The following FCHO2 variants were observed in gnomAD, a reference collection of about 807,000 sequenced individuals.
FCHO2 encodes FCH and mu domain containing endocytic adaptor 2.
A neutral mutation model predicts 114.1 loss-of-function variants in FCHO2; 43 were observed. That is an observed-to-expected ratio of 0.38 (90% CI 0.30 to 0.49). The LOEUF (loss-of-function observed/expected upper bound fraction) is 0.49. FCHO2 is among the 20% of genes least tolerant of loss of function. The pLI, the probability that FCHO2 is intolerant of heterozygous loss-of-function variation, is 0.97. For missense variants in FCHO2, 807 were observed against 950.4 expected, an observed-to-expected ratio of 0.85 and a Z score of 1.98; for synonymous variants, 293 against 315.2, an observed-to-expected ratio of 0.93 and a Z score of 0.75.
At chr5:73,017,578 T>G (rs1755371958) in intron 8 of FCHO2, among the ~76,000 whole-genome samples, 2 of 152,148 alleles carry the variant, frequency 1.3e-5, no homozygotes, top group African/African-American at 4.8e-5. Flanking sequence ...AATAATTTAG[T>G]ATTATTTAAA....
At chr5:73,047,108 C>T (rs933913620) in intron 11 of FCHO2, among the ~76,000 whole-genome samples, 9 of 152,096 alleles carry the variant, frequency 5.9e-5, no homozygotes, top group Non-Finnish European at 1.3e-4. Flanking sequence ...TGAAATAATA[C>T]GAAGAACACT....
At chr5:73,007,380 T>G (rs555083079) in intron 6 of FCHO2, among the ~76,000 whole-genome samples, 1 of 152,354 alleles carries the variant, frequency 6.6e-6, no homozygotes, top group Admixed American at 6.5e-5. Context: ...ACATGAGTTC[T>G]TTTACCTATA....
chr5:73,069,860 T>C (rs1481021166), intron 19 of FCHO2, among the ~76,000 whole-genome samples: 1 of 152,106 alleles, frequency 6.6e-6, no homozygotes, highest in Non-Finnish European at 1.5e-5. Flanking sequence ...TCACCCATTG[T>C]TAGGATAATA....
intron 2 of FCHO2, among the ~76,000 whole-genome samples, chr5:72,969,744 G>A (rs762793286): frequency 3.3e-5 from 5 of 152,126 alleles, no homozygotes; most frequent in Non-Finnish European, 7.3e-5. Context: ...GAGACAATCC[G>A]TCATACTTCC....
chr5:73,060,200 G>C (rs751098309), intron 17 of FCHO2, among the ~76,000 whole-genome samples: 9 of 151,774 alleles, frequency 5.9e-5, no homozygotes, highest in Non-Finnish European at 1.3e-4. Context: ...ATTGATGTTT[G>C]GCCATTAGGA....
intron 20 of FCHO2, 31 bp from the exon 21 acceptor site, chr5:73,077,303 TTTTA>T (rs1554075665): frequency 6.5e-7 from 1 of 1,534,416 alleles, no homozygotes; most frequent in African/African-American, 1.4e-5. Flanking sequence ...GATTAGAGCA[TTTTA>T]TTTAAACACT....
intron 16 of FCHO2, among the ~76,000 whole-genome samples, chr5:73,057,461 G>T (rs989330092): frequency 2.0e-5 from 3 of 152,126 alleles, no homozygotes; most frequent in African/African-American, 7.2e-5. Flanking sequence ...TGAGATGCTG[G>T]ATATGTACTC....
intron 11 of FCHO2, among the ~76,000 whole-genome samples, chr5:73,049,881 CATAG>C (rs766940890): frequency 2.0e-5 from 3 of 152,052 alleles, no homozygotes; most frequent in Non-Finnish European, 4.4e-5. Context: ...TATATATACA[CATAG>C]ATATATACAT....
Position 73,054,149 on chromosome 5 carries a change from T to C in FCHO2, c.1174-11T>C, listed in dbSNP as rs1487727858. ...CTAACCTAATTTTCTTTTTCTTCCA[T>C]GTACTACTAGAGACACAGTCCAGTA... On this transcript the variant is annotated splice_polypyrimidine_tract_variant and intron_variant, in intron 13 of 25. Coordinates refer to ENST00000430046, the MANE Select transcript of FCHO2 (RefSeq NM_138782.3). 2.7e-6 allele frequency: 4 copies of C among 1,505,084 alleles called. No individual in the cohort carries two copies. Among genetic ancestry groups the C allele is most frequent in the African/African-American group, 1.4e-5 (1 of 71,392 alleles). 93.2% of individuals were successfully genotyped at this position (1,505,084 alleles called of 1,614,324 possible).
At chr5:73,082,966 TG>T (rs1456338567) in intron 24 of FCHO2, 141 bp downstream of exon 24, 19 of 660,094 alleles carry the variant, frequency 2.9e-5, no homozygotes, top group Non-Finnish European at 4.8e-5. Flanking sequence ...CTCCGCCTGC[TG>T]GGTTCAAGCG....
intron 8 of FCHO2, among the ~76,000 whole-genome samples, chr5:73,030,122 ACCTCCG>A (rs1756156762): frequency 6.7e-6 from 1 of 149,440 alleles, no homozygotes; most frequent in African/African-American, 2.5e-5. Context: ...GCTCACTGCA[ACCTCCG>A]CCTCCTGGGT....
intron 8 of FCHO2, among the ~76,000 whole-genome samples, chr5:73,023,783 A>G (rs1241191058): frequency 1.3e-5 from 2 of 152,136 alleles, no homozygotes; most frequent in African/African-American, 4.8e-5. Flanking sequence ...ATATGCCACT[A>G]ATTTCGTTTA....
chr5:73,085,537 G>C (rs902965134), intron 24 of FCHO2, among the ~76,000 whole-genome samples: 1 of 152,092 alleles, frequency 6.6e-6, no homozygotes, highest in African/African-American at 2.4e-5. Context: ...CACTTTGGGA[G>C]GCTGAGGCAG....
chr5:73,056,937 A>T (rs1757624136), intron 16 of FCHO2, among the ~76,000 whole-genome samples: 1 of 151,986 alleles, frequency 6.6e-6, no homozygotes, highest in African/African-American at 2.4e-5. Context: ...ATCAGTTAAG[A>T]ATACTCTCTT....
At chr5:72,994,505 A>G (rs1397132730) in intron 5 of FCHO2, among the ~76,000 whole-genome samples, 1 of 152,226 alleles carries the variant, frequency 6.6e-6, no homozygotes, top group African/African-American at 2.4e-5. Context: ...GTTGTGGAGA[A>G]AAGGGAATGC....
chr5:73,046,019 C>G (rs1757035266), intron 11 of FCHO2, among the ~76,000 whole-genome samples: 1 of 152,144 alleles, frequency 6.6e-6, no homozygotes, highest in Non-Finnish European at 1.5e-5. Flanking sequence ...AGTTGGTGCT[C>G]TAGGTCATTT....
intron 5 of FCHO2, among the ~76,000 whole-genome samples, chr5:73,003,047 G>T (rs1001964205): frequency 5.9e-5 from 9 of 152,028 alleles, no homozygotes; most frequent in African/African-American, 2.2e-4. Context: ...GGTCTCTGTT[G>T]TCTGGGCTGG....
At chr5:73,042,052 T>C (rs1756830339) in intron 11 of FCHO2, among the ~76,000 whole-genome samples, 1 of 152,186 alleles carries the variant, frequency 6.6e-6, no homozygotes, top group African/African-American at 2.4e-5. Flanking sequence ...TACAGCATCA[T>C]AGTGTAACAA....
rs149693837 is a variant in FCHO2, at chr5:72,994,024, A to G, written c.495+3160A>G. Among the ~76,000 whole-genome samples the G allele has an allele frequency of 5.6e-3, 852 of 152,336 alleles. 14 individuals carry two copies. The highest frequency in any genetic ancestry group is 0.02 in the African/African-American group (817 of 41,576). On this transcript the variant is annotated intron_variant, in intron 5 of 25. Coordinates refer to ENST00000430046, the MANE Select transcript of FCHO2 (RefSeq NM_138782.3). The stretch of plus-strand genomic sequence containing the variant: ...AGACTTAAATGTAAAACCCAAAACT[A>G]TAAAAACTCTGGAAGACACCTGAGG...
Sources: gnomAD v4.1 joint callset for allele counts (sites outside exome capture counted in the v4.1 genomes callset) on GRCh38, gnomAD v4.1.1 for gene constraint, MANE v1.5 for transcripts, NCBI Gene and HGNC (gene_info 2026-07-23, HGNC 2026-07-21) for gene names.